RBFOX1: variants seen among roughly 807,000 people sequenced by gnomAD.
The protein encoded by RBFOX1 is RNA binding fox-1 homolog 1.
Under a neutral mutation model 57.7 loss-of-function variants are expected in RBFOX1, and 8 were observed. That is an observed-to-expected ratio of 0.14 (90% CI 0.08 to 0.25). The LOEUF is 0.25. Among genes scored for constraint, RBFOX1 ranks in the 10% least tolerant of loss-of-function variants. RBFOX1 has a pLI of 1.00. For synonymous variants in RBFOX1, 326 were observed against 222.4 expected, an observed-to-expected ratio of 1.47 and a Z score of -4.15; for missense variants, 611 against 548.5, an observed-to-expected ratio of 1.11 and a Z score of -1.14.
In RBFOX1 at chr16:7,679,614, C is replaced by T. The variant is rs147160549; in HGVS notation, c.995+2776C>T. ...CAGTTGGTAGGATTTTACCTTTTTT[C>T]AGCACAAATTAAGCCCTCATCAAAT... On this transcript the variant is annotated intron_variant, in intron 14 of 15. Transcript: ENST00000550418. 5.3e-5 allele frequency among the ~76,000 whole-genome samples: 8 copies of T among 152,212 alleles called. No individual in the cohort carries two copies. The East Asian group carries it at 1.5e-3, about 29-fold the overall frequency.
chr16:7,593,864 C>G (rs1001788400), intron 7 of RBFOX1, among the ~76,000 whole-genome samples: 9 of 152,156 alleles, frequency 5.9e-5, no homozygotes, highest in Admixed American at 3.9e-4. Context: ...AGAATCCCGA[C>G]AAATAATCAT....
intron 4 of RBFOX1, among the ~76,000 whole-genome samples, chr16:5,952,689 C>T (rs563104803): frequency 6.6e-6 from 1 of 152,240 alleles, no homozygotes; most frequent in African/African-American, 2.4e-5. Flanking sequence ...CTTCAGAATG[C>T]CGTGTGGTGT....
intron 1 of RBFOX1, among the ~76,000 whole-genome samples, chr16:5,422,944 A>C (rs2067393331): frequency 1.2e-5 from 1 of 82,754 alleles, no homozygotes; most frequent in Non-Finnish European, 2.4e-5. Flanking sequence ...GGGAGAGGGA[A>C]GGGGGAGGAA....
chr16:5,468,628 G>A (rs2069029335), intron 2 of RBFOX1, among the ~76,000 whole-genome samples: 1 of 152,194 alleles, frequency 6.6e-6, no homozygotes. Context: ...ATTATTCATG[G>A]AAGCCAAAAG....
chr16:6,492,060 G>A (rs1235125644), intron 2 of RBFOX1, among the ~76,000 whole-genome samples: 2 of 152,068 alleles, frequency 1.3e-5, no homozygotes, highest in African/African-American at 4.8e-5. Flanking sequence ...AAGACAAATT[G>A]GCAAAGGACA....
At chr16:5,330,046 A>T (rs1164300019) in intron 1 of RBFOX1, among the ~76,000 whole-genome samples, 1 of 151,864 alleles carries the variant, frequency 6.6e-6, no homozygotes, top group Non-Finnish European at 1.5e-5. Context: ...CCGTGTCCTC[A>T]CATGGTACAA....
chr16:6,812,191 C>G (rs549038970), intron 3 of RBFOX1, among the ~76,000 whole-genome samples: 1 of 152,034 alleles, frequency 6.6e-6, no homozygotes, highest in Non-Finnish European at 1.5e-5. Context: ...TTTTATTTGT[C>G]CTCCTGTTAG....
chr16:6,117,246 A>G (rs1018914460), intron 1 of RBFOX1, among the ~76,000 whole-genome samples: 3 of 152,190 alleles, frequency 2.0e-5, no homozygotes, highest in Admixed American at 2.0e-4. Context: ...GTAAATTCCT[A>G]GGAATTTGTG....
At position 7,194,614 on chromosome 16, in the gene RBFOX1, C is replaced by T. The variant is rs536054761; in HGVS notation, c.27+142516C>T. On this transcript the variant is annotated intron_variant, in intron 4 of 15. Transcript: ENST00000550418. ...TTCTACCCCTTTCCCAGAAACACTT[C>T]GTTTTATTACATTTAGAAAGTGGTG... Among the ~76,000 whole-genome samples, 9 of 152,250 alleles carry T rather than the reference C, an allele frequency of 5.9e-5. No homozygotes were observed. The South Asian group carries it at 6.2e-4, about 11-fold the overall frequency.
intron 4 of RBFOX1, among the ~76,000 whole-genome samples, chr16:7,366,984 C>G (rs1021146289): frequency 6.6e-6 from 1 of 152,056 alleles, no homozygotes; most frequent in Non-Finnish European, 1.5e-5. Context: ...GTCAGGTGGA[C>G]ATGTTTTTAA....
At chr16:7,530,906 A>G (rs1437004139) in intron 5 of RBFOX1, among the ~76,000 whole-genome samples, 1 of 152,118 alleles carries the variant, frequency 6.6e-6, no homozygotes, top group Admixed American at 6.5e-5. Flanking sequence ...CACCCAGAAA[A>G]TAAGCCTTCA....
chr16:7,140,335 A>T (rs1282320472), intron 4 of RBFOX1, among the ~76,000 whole-genome samples: 1 of 144,532 alleles, frequency 6.9e-6, no homozygotes, highest in Non-Finnish European at 1.5e-5. Flanking sequence ...TGACCACACA[A>T]AGTTTCTTTT....
At chr16:7,024,410 A>AT (rs1160809140) in intron 3 of RBFOX1, among the ~76,000 whole-genome samples, 1 of 152,120 alleles carries the variant, frequency 6.6e-6, no homozygotes, top group Non-Finnish European at 1.5e-5. Context: ...TTTAGCAATT[A>AT]TTTTTCTGTT....
chr16:6,804,158 C>T (rs890047820), intron 3 of RBFOX1, among the ~76,000 whole-genome samples: 1 of 152,026 alleles, frequency 6.6e-6, no homozygotes, highest in African/African-American at 2.4e-5. Context: ...CAGGTGCCCG[C>T]CACCATGCCC....
chr16:7,238,609 A>G (rs1229064614), intron 4 of RBFOX1, among the ~76,000 whole-genome samples: 1 of 152,224 alleles, frequency 6.6e-6, no homozygotes, highest in East Asian at 1.9e-4. Flanking sequence ...AATCTCCAAT[A>G]AAATGAATAT....
intron 1 of RBFOX1, among the ~76,000 whole-genome samples, chr16:6,094,058 C>T (rs1421065390): frequency 2.0e-5 from 3 of 152,070 alleles, no homozygotes; most frequent in Non-Finnish European, 4.4e-5. Flanking sequence ...TAGTGGTCCT[C>T]GACATGACTT....
intron 4 of RBFOX1, among the ~76,000 whole-genome samples, chr16:6,002,873 G>A: frequency 6.6e-6 from 1 of 151,934 alleles, no homozygotes. Context: ...TATCCTCTGT[G>A]GTATCTGAGA....
intron 5 of RBFOX1, among the ~76,000 whole-genome samples, chr16:7,518,618 G>A (rs1188752903): frequency 6.6e-6 from 1 of 152,066 alleles, no homozygotes; most frequent in Non-Finnish European, 1.5e-5. Context: ...ATTTGTAAAG[G>A]GGCACATTTA....
At chr16:6,942,844 A>G (rs535679032) in intron 3 of RBFOX1, among the ~76,000 whole-genome samples, 10 of 152,302 alleles carry the variant, frequency 6.6e-5, no homozygotes, top group Non-Finnish European at 1.5e-4. Context: ...GGTTTTGAGG[A>G]GGACAGTCCT....
Sources: allele counts gnomAD v4.1 joint callset (sites outside exome capture counted in the v4.1 genomes callset), GRCh38; gene constraint gnomAD v4.1.1; transcripts MANE v1.5; gene names NCBI Gene and HGNC (gene_info 2026-07-23, HGNC 2026-07-21).